Variants in ALDH4A1 observed in about 807,000 individuals in gnomAD.
ALDH4A1 encodes delta-1-pyrroline-5-carboxylate dehydrogenase, mitochondrial.
ALDH4A1 carries 46 observed loss-of-function variants against 70.5 expected under a neutral mutation model. The ratio of observed to expected loss-of-function variants is 0.65; its 90% CI spans 0.51 to 0.83. The LOEUF is 0.83. Among genes scored for constraint, ALDH4A1 ranks in the 40% least tolerant of loss-of-function variants. ALDH4A1 has a pLI of 0.00. For missense variants in ALDH4A1, 749 were observed against 766.5 expected (o/e 0.98, Z 0.27); for synonymous variants, 323 against 324.3 (o/e 1.00, Z 0.04).
Position 18,879,320 on chromosome 1 carries a change from G to A in ALDH4A1, c.920C>T (p.Thr307Ile). 1 of 1,610,686 alleles carries A rather than the reference G, an allele frequency of 6.2e-7. No individual in the cohort carries two copies. Among genetic ancestry groups the A allele is most frequent in the African/African-American group, 1.3e-5 (1 of 75,008 alleles). Residue 307 changes from threonine to isoleucine, a missense_variant, in exon 9 of 15, where the codon ACC (threonine) becomes ATC (isoleucine). By Grantham distance (89) the Thr-to-Ile change is moderately conservative. Transcript: ENST00000375341. Reference protein sequence around the residue: ...QVAQNLDRFHTFPRLAGECGG... With the variant: ...QVAQNLDRFHIFPRLAGECGG... ...CTTACCTCCAGCCAGGCGTGGGAAG[G>A]TGTGGAACCGGTCCAGGTTCTGGGC... is the stretch of plus-strand genomic sequence containing the variant.
chr1:18,902,117 A>C (rs1935819587), intron 1 of ALDH4A1, among the ~76,000 whole-genome samples: 1 of 152,060 alleles, frequency 6.6e-6, no homozygotes, highest in Admixed American at 6.5e-5. Context: ...GAAGCCAGCA[A>C]ATTGCGAAGA....
chr1:18,875,139 C>G (rs991928423), intron 13 of ALDH4A1, among the ~76,000 whole-genome samples: 1 of 152,220 alleles, frequency 6.6e-6, no homozygotes, highest in Non-Finnish European at 1.5e-5. Context: ...AGCCCTGCCC[C>G]TAGAGGTTCA....
Position 18,872,941 on chromosome 1 carries a change from T to A in ALDH4A1, c.1596A>T (p.Pro532=). 1 of 1,614,028 alleles carries A rather than the reference T, an allele frequency of 6.2e-7. No homozygotes were observed. Residue 532 remains proline (P), a synonymous_variant, in exon 15 of 15, where the codon CCA becomes CCT. Coordinates refer to ENST00000375341, the MANE Select transcript of ALDH4A1 (RefSeq NM_003748.4). ...GARASGTNDK[P]GGPHYILRWT... is the part of the protein sequence containing the mutation. ...AGCGCAGGATGTAGTGTGGGCCCCC[T>A]GGCTTGTCATTGGTTCCTGCGGAAA...
At chr1:18,895,782 C>T (rs1206495688) in intron 1 of ALDH4A1, among the ~76,000 whole-genome samples, 6 of 152,298 alleles carry the variant, frequency 3.9e-5, no homozygotes, top group East Asian at 1.9e-4. Context: ...ACACCTCGTC[C>T]GAGGTACTAG....
chr1:18,888,282 T>C (rs1338052391), intron 3 of ALDH4A1, among the ~76,000 whole-genome samples: 2 of 152,150 alleles, frequency 1.3e-5, no homozygotes, highest in African/African-American at 4.8e-5. Flanking sequence ...CACCTGAGAT[T>C]GGCCTGTGAT....
rs550244317 is a variant in ALDH4A1, at chr1:18,872,828, T to C, written c.*17A>G. The C allele has an allele frequency of 3.7e-6, 6 of 1,600,006 alleles. No individual in the cohort carries two copies. Among genetic ancestry groups the C allele is most frequent in the South Asian group, 1.1e-5 (1 of 90,746 alleles). ...CCTGGACGGACAGACAGCTGGACGGTGGAGCCCGAGAGGGGCTCACTGCAT... is the reference window on the plus strand; with the variant it reads ...CCTGGACGGACAGACAGCTGGACGGCGGAGCCCGAGAGGGGCTCACTGCAT... On this transcript the variant is annotated 3_prime_UTR_variant, in exon 15 of 15. Transcript: ENST00000375341.
chr1:18,882,237 C>T (rs1413060892), intron 7 of ALDH4A1, among the ~76,000 whole-genome samples: 1 of 152,200 alleles, frequency 6.6e-6, no homozygotes, highest in Non-Finnish European at 1.5e-5. Context: ...CGGGCTCTCT[C>T]AGCACATGTC....
chr1:18,874,632 C>A (rs750153450), intron 13 of ALDH4A1, 51 bp from the exon 14 acceptor site: 4 of 1,577,896 alleles, frequency 2.5e-6, no homozygotes, highest in Non-Finnish European at 3.5e-6. Flanking sequence ...TCCCCTCCAG[C>A]CCCAGCTCCA....
In ALDH4A1 at chr1:18,902,531, T is replaced by G. The variant is rs936689783; in HGVS notation, c.-8A>C. On this transcript the variant is annotated 5_prime_UTR_variant, in exon 1 of 15. Coordinates refer to ENST00000375341, the MANE Select transcript of ALDH4A1 (RefSeq NM_003748.4). ...GGGCGCCGGCAGCAGCATCTCGGGT[T>G]AGAAGCGGGGCTGTTCGCTGGATCG... 23 of 1,487,642 alleles carry G rather than the reference T, an allele frequency of 1.5e-5. No individual in the cohort carries two copies. The African/African-American group carries it at 2.8e-4, about 18-fold the overall frequency. 92.2% of individuals were successfully genotyped at this position (1,487,642 alleles called of 1,614,324 possible).
chr1:18,877,302 G>C, intron 10 of ALDH4A1, 47 bp from the exon 11 acceptor site: 1 of 1,573,856 alleles, frequency 6.4e-7, no homozygotes, highest in Non-Finnish European at 8.6e-7. Context: ...TGCAGGCCGA[G>C]ACCAAGGGAG....
At chr1:18,892,419 G>A (rs1935468306) in intron 1 of ALDH4A1, among the ~76,000 whole-genome samples, 1 of 152,164 alleles carries the variant, frequency 6.6e-6, no homozygotes, top group African/African-American at 2.4e-5. Flanking sequence ...ACCGCAGATG[G>A]TGAGCATGGC....
chr1:18,886,629 C>G, intron 3 of ALDH4A1, 118 bp from the exon 4 acceptor site: 1 of 1,080,296 alleles, frequency 9.3e-7, no homozygotes, highest in East Asian at 2.5e-5. Context: ...GCTGTCCCCC[C>G]TCCCCCGCTC....
intron 1 of ALDH4A1, among the ~76,000 whole-genome samples, chr1:18,896,607 G>A (rs1194917320): frequency 6.6e-6 from 1 of 152,126 alleles, no homozygotes; most frequent in Non-Finnish European, 1.5e-5. Context: ...GGAAAGAAAG[G>A]CCCAGCCAGG....
intron 1 of ALDH4A1, among the ~76,000 whole-genome samples, chr1:18,891,794 A>G (rs900729565): frequency 1.6e-4 from 24 of 152,188 alleles, no homozygotes; most frequent in African/African-American, 5.5e-4. Context: ...TTGGGAGGCC[A>G]AGGTGGGCGG....
At position 18,876,457 on chromosome 1, in the gene ALDH4A1, C is replaced by G. The variant is rs749555399; in HGVS notation, c.1196G>C (p.Arg399Pro). 3 of 1,596,768 alleles carry G rather than the reference C, an allele frequency of 1.9e-6. No individual in the cohort carries two copies. Among genetic ancestry groups the G allele is most frequent in the Non-Finnish European group, 1.7e-6 (2 of 1,173,606 alleles). ...TGCGTGCTCCAGCCACTTCTTGATA[C>G]GGGCAAAGGACTGGGGTGGGCAGGG... Reference protein sequence around the residue: ...SAVIDAKSFARIKKWLEHARS... With the variant: ...SAVIDAKSFAPIKKWLEHARS... Residue 399 changes from arginine to proline, a missense_variant, in exon 12 of 15, where the codon CGT becomes CCT. Coordinates refer to ENST00000375341, the MANE Select transcript of ALDH4A1 (RefSeq NM_003748.4).
Position 18,881,688 on chromosome 1 carries a change from C to T in ALDH4A1, c.866+12G>A. On this transcript the variant is annotated intron_variant, in intron 8 of 14. Transcript: ENST00000375341. The stretch of plus-strand genomic sequence containing the variant: ...CTAGCCACCACAGCCTACACCATCC[C>T]CAGGGACTTACGGCACACTGCCTGT... The T allele has an allele frequency of 6.2e-7, 1 of 1,614,034 alleles. No individual in the cohort carries two copies. Among genetic ancestry groups the T allele is most frequent in the African/African-American group, 1.3e-5 (1 of 75,052 alleles).
chr1:18,890,315 G>T, intron 1 of ALDH4A1: 1 of 526,572 alleles, frequency 1.9e-6, no homozygotes, highest in Admixed American at 3.1e-5. Flanking sequence ...ACCAAGGCGG[G>T]CAAATCACTT....
At position 18,889,246 on chromosome 1, in the gene ALDH4A1, G is replaced by A. The variant is rs2100591343; in HGVS notation, c.249+116C>T. On this transcript the variant is annotated intron_variant, in intron 3 of 14. Coordinates refer to ENST00000375341, the MANE Select transcript of ALDH4A1 (RefSeq NM_003748.4). ...CAGAATTCAAAATCTGGGGTGGGGAGGGGCACTATAAAGGCCTTGAAGTCA... is the reference window on the plus strand; with the variant it reads ...CAGAATTCAAAATCTGGGGTGGGGAAGGGCACTATAAAGGCCTTGAAGTCA... 6.5e-6 allele frequency: 6 copies of A among 920,348 alleles called. 1 individual carries two copies. Among genetic ancestry groups the A allele is most frequent in the Middle Eastern group, 2.2e-4 (1 of 4,646 alleles). The allele number at this position is 920,348 out of a possible 1,614,324, so 57.0% of individuals were successfully genotyped here. A position where few individuals can be genotyped will look rare whatever the true frequency, so the allele number is the denominator to read the frequency against.
rs747269131 is a variant in ALDH4A1, at chr1:18,874,483, A to G, written c.1559T>C (p.Phe520Ser). ...CTCACCAGAGGCTCGGGCCCCCCCA[A>G]AGGGCTGCTGGCCCACTATCGAGCC... ...STGSIVGQQP[F>S]GGARASGTND... is the part of the protein sequence containing the mutation. The change falls in exon 14 of 15, where the codon TTT (phenylalanine) becomes TCT (serine). Residue 520 changes from phenylalanine to serine, a missense_variant. By Grantham distance (155) the Phe-to-Ser change is radical (BLOSUM62 -2). Transcript: ENST00000375341. 1 of 1,614,066 alleles carries G rather than the reference A, an allele frequency of 6.2e-7. No homozygotes were observed. Among genetic ancestry groups the G allele is most frequent in the East Asian group, 2.2e-5 (1 of 44,870 alleles).
Sources: gnomAD v4.1 joint callset for allele counts (sites outside exome capture counted in the v4.1 genomes callset) on GRCh38, gnomAD v4.1.1 for gene constraint, MANE v1.5 for transcripts, NCBI Gene and HGNC (gene_info 2026-07-23, HGNC 2026-07-21) for gene names.